PLXNA4: variants seen among roughly 807,000 people sequenced by gnomAD.
PLXNA4 encodes the protein plexin-A4.
Under a neutral mutation model 191.8 loss-of-function variants are expected in PLXNA4, and 44 were observed. The ratio of observed to expected loss-of-function variants is 0.23; its 90% CI spans 0.18 to 0.29. PLXNA4 has a LOEUF of 0.29. Among genes scored for constraint, PLXNA4 ranks in the 10% least tolerant of loss-of-function variants. The probability of loss-of-function intolerance (pLI) is 1.00; values close to 1 mark genes in which losing one functional copy is unlikely to be tolerated. For synonymous variants in PLXNA4, 1,082 were observed against 1,009.5 expected (o/e 1.07, Z -1.36); for missense variants, 1,800 against 2,488.8 (o/e 0.72, Z 5.89).
intron 25 of PLXNA4, among the ~76,000 whole-genome samples, chr7:132,149,509 C>T (rs1450883): frequency 0.12 from 18,487 of 152,178 alleles, 2,190 homozygotes; most frequent in African/African-American, 0.3. Flanking sequence ...CACACATAAA[C>T]TCATGCAGCA....
Position 132,130,458 on chromosome 7 carries a change from G to A in PLXNA4, c.*21C>T. On this transcript the variant is annotated 3_prime_UTR_variant, in exon 32 of 32. Transcript: ENST00000321063. The stretch of plus-strand genomic sequence containing the variant: ...ACGGCTTGGTGTGTCCCCCTCCAGG[G>A]CGGCCCTGGAAGGACGGTTCTCAGC... 1 of 1,614,140 alleles carries A rather than the reference G, an allele frequency of 6.2e-7. No individual in the cohort carries two copies. The highest frequency in any genetic ancestry group is 8.5e-7 in the Non-Finnish European group (1 of 1,180,002).
intron 3 of PLXNA4, among the ~76,000 whole-genome samples, chr7:132,464,864 A>G (rs1273605756): frequency 6.6e-6 from 1 of 152,260 alleles, no homozygotes; most frequent in African/African-American, 2.4e-5. Flanking sequence ...AGATGGAAAC[A>G]GCTCTTCCTA....
At chr7:132,380,750 C>T (rs762826456) in intron 3 of PLXNA4, among the ~76,000 whole-genome samples, 11 of 152,170 alleles carry the variant, frequency 7.2e-5, no homozygotes, top group Non-Finnish European at 1.2e-4. Context: ...ACCCTATCAC[C>T]CAAAGAACTT....
chr7:132,511,092 C>T (rs1238974380), intron 1 of PLXNA4, among the ~76,000 whole-genome samples: 1 of 152,152 alleles, frequency 6.6e-6, no homozygotes, highest in Non-Finnish European at 1.5e-5. Flanking sequence ...CTGTCTTGCT[C>T]GTCAACACAT....
At chr7:132,613,470 G>A (rs1366935901) in intron 2 of PLXNA4, among the ~76,000 whole-genome samples, 1 of 152,154 alleles carries the variant, frequency 6.6e-6, no homozygotes, top group Non-Finnish European at 1.5e-5. Context: ...GAAGGCAGGG[G>A]CCATGTCTCT....
chr7:132,428,415 G>A lies in PLXNA4; in HGVS notation c.1371+60877C>T, dbSNP rs182996188. Among the ~76,000 whole-genome samples, 9 of 152,310 alleles carry A rather than the reference G, an allele frequency of 5.9e-5. No homozygotes were observed. The South Asian group carries it at 1.7e-3, about 28-fold the overall frequency. ...TCTGTTAAGAAAGCACAAACAATCC[G>A]ATGCCAGGAGGCGAGGACCTTGCTC... On this transcript the variant is annotated intron_variant, in intron 3 of 31. Coordinates refer to ENST00000321063, the MANE Select transcript of PLXNA4 (RefSeq NM_020911.2).
intron 3 of PLXNA4, among the ~76,000 whole-genome samples, chr7:132,332,226 G>A (rs994407205): frequency 2.6e-5 from 4 of 152,134 alleles, no homozygotes; most frequent in African/African-American, 9.7e-5. Flanking sequence ...TTTAGGCCAC[G>A]GAATGGACAT....
chr7:132,239,682 G>A (rs1798814256), intron 5 of PLXNA4, among the ~76,000 whole-genome samples: 1 of 152,192 alleles, frequency 6.6e-6, no homozygotes, highest in Admixed American at 6.5e-5. Context: ...TCTGCATTCT[G>A]AATGCAACCT....
At chr7:132,488,251 A>G (rs1797640749) in intron 3 of PLXNA4, among the ~76,000 whole-genome samples, 1 of 152,242 alleles carries the variant, frequency 6.6e-6, no homozygotes, top group Non-Finnish European at 1.5e-5. Flanking sequence ...GCCAACAGAA[A>G]TGATTGCTGG....
At chr7:132,263,661 T>A (rs1799738017) in intron 4 of PLXNA4, among the ~76,000 whole-genome samples, 1 of 152,084 alleles carries the variant, frequency 6.6e-6, no homozygotes, top group South Asian at 2.1e-4. Flanking sequence ...ACACTCCAGA[T>A]GAGATTTTAG....
chr7:132,180,303 C>A (rs1796662933), intron 19 of PLXNA4, among the ~76,000 whole-genome samples: 2 of 152,180 alleles, frequency 1.3e-5, no homozygotes, highest in Non-Finnish European at 2.9e-5. Context: ...CCTGGGCCAG[C>A]AACAGCCTTC....
chr7:132,629,519 C>T (rs1235756463), intron 2 of PLXNA4, among the ~76,000 whole-genome samples: 1 of 152,184 alleles, frequency 6.6e-6, no homozygotes, highest in Non-Finnish European at 1.5e-5. Flanking sequence ...TCCTGACCTG[C>T]ATATTTTTTA....
chr7:132,569,787 A>C (rs1191514211), intron 1 of PLXNA4, among the ~76,000 whole-genome samples: 4 of 152,248 alleles, frequency 2.6e-5, no homozygotes, highest in Non-Finnish European at 4.4e-5. Flanking sequence ...GACAAGGGAC[A>C]GGATAGGCTC....
At chr7:132,259,085 T>C (rs537755993) in intron 4 of PLXNA4, among the ~76,000 whole-genome samples, 1 of 152,228 alleles carries the variant, frequency 6.6e-6, no homozygotes, top group South Asian at 2.1e-4. Flanking sequence ...CTTGGTGACT[T>C]AGCTTCTAAA....
At chr7:132,336,380 T>C (rs932396717) in intron 3 of PLXNA4, among the ~76,000 whole-genome samples, 1 of 152,172 alleles carries the variant, frequency 6.6e-6, no homozygotes, top group African/African-American at 2.4e-5. Context: ...AGAGTAGTCT[T>C]TCCAAAGTTT....
At chr7:132,384,043 C>G (rs35967551) in intron 3 of PLXNA4, 21 of 985,340 alleles carry the variant, frequency 2.1e-5, no homozygotes, top group South Asian at 4.7e-5. Context: ...CAGTGAGACA[C>G]AGAGGGGTTG....
At chr7:132,324,994 A>G (rs1048702075) in intron 3 of PLXNA4, among the ~76,000 whole-genome samples, 1 of 152,170 alleles carries the variant, frequency 6.6e-6, no homozygotes, top group African/African-American at 2.4e-5. Context: ...TCTTCTCCAG[A>G]TGGAATTTTG....
At chr7:132,626,573 T>C (rs953738432) in intron 2 of PLXNA4, among the ~76,000 whole-genome samples, 1 of 152,132 alleles carries the variant, frequency 6.6e-6, no homozygotes, top group Non-Finnish European at 1.5e-5. Flanking sequence ...TCTCCCCACA[T>C]CTCTCTTGCT....
chr7:132,205,515 G>A (rs1390536169), intron 10 of PLXNA4, among the ~76,000 whole-genome samples: 1 of 152,148 alleles, frequency 6.6e-6, no homozygotes, highest in African/African-American at 2.4e-5. Flanking sequence ...TTGTGTGTGT[G>A]TGAGAGAGAG....
Sources: gnomAD v4.1 joint callset for allele counts (sites outside exome capture counted in the v4.1 genomes callset) on GRCh38, gnomAD v4.1.1 for gene constraint, MANE v1.5 for transcripts, NCBI Gene and HGNC (gene_info 2026-07-23, HGNC 2026-07-21) for gene names.